ZNF600: variants seen among roughly 807,000 people sequenced by gnomAD.
ZNF600 encodes zinc finger protein 600, also known as zinc finger protein KR-ZNF1.
ZNF600 carries 4 observed loss-of-function variants against 7.3 expected under a neutral mutation model. That is an observed-to-expected ratio of 0.55 (90% CI 0.27 to 1.25). The LOEUF (loss-of-function observed/expected upper bound fraction) is 1.25, where lower values mean the gene tolerates loss of function less well. Ranked by LOEUF, ZNF600 falls within the 50% of genes most tolerant of loss-of-function variation. The pLI, the probability that ZNF600 is intolerant of heterozygous loss-of-function variation, is 0.12. For synonymous variants in ZNF600, 290 were observed against 308.9 expected, an observed-to-expected ratio of 0.94 and a Z score of 0.64; for missense variants, 911 against 922.1, an observed-to-expected ratio of 0.99 and a Z score of 0.16.
At chr19:52,806,713 C>G in the ZNF600 span, among the ~76,000 whole-genome samples, 587 of 151,950 alleles carry the variant, frequency 3.9e-3, 7 homozygotes, top group African/African-American at 0.014. Flanking sequence ...ACCAGCCTGG[C>G]CAACATGGTG....
intron 3 of ZNF600, among the ~76,000 whole-genome samples, chr19:52,771,650 G>A (rs750823723): frequency 6.6e-6 from 1 of 152,090 alleles, no homozygotes; most frequent in Non-Finnish European, 1.5e-5. Flanking sequence ...GCTAATTTTT[G>A]TATTTTTACC....
chr19:52,779,130 T>G (rs866664357), intron 1 of ZNF600, among the ~76,000 whole-genome samples: 1 of 152,108 alleles, frequency 6.6e-6, no homozygotes, highest in Non-Finnish European at 1.5e-5. Flanking sequence ...CCCCACACAC[T>G]AGGCAGCAGT....
chr19:52,777,463 GC>G (rs2062685335), intron 2 of ZNF600, among the ~76,000 whole-genome samples: 1 of 151,918 alleles, frequency 6.6e-6, no homozygotes, highest in South Asian at 2.1e-4. Context: ...ATCACTGGAG[GC>G]CAGGATATCA....
chr19:52,810,612 T>C, the ZNF600 span: 3 of 1,480,978 alleles, frequency 2.0e-6, no homozygotes, highest in African/African-American at 1.4e-5. Context: ...ACTACAGCAG[T>C]TCCTGCTCTC....
chr19:52,801,030 TTG>T, the ZNF600 span: 1 of 1,614,178 alleles, frequency 6.2e-7, no homozygotes, highest in Admixed American at 1.7e-5. Context: ...CTCATTACAC[TTG>T]TAAGGTTTCT....
intron 3 of ZNF600, among the ~76,000 whole-genome samples, chr19:52,771,995 C>T (rs1277232449): frequency 3.3e-5 from 5 of 152,192 alleles, no homozygotes; most frequent in Non-Finnish European, 7.3e-5. Context: ...TGAAGGCTGA[C>T]AAATCTTATT....
chr19:52,764,281 C>T (rs1240300524), downstream of ZNF600: 1 of 150,348 alleles, frequency 6.7e-6, no homozygotes, highest in African/African-American at 2.5e-5. Flanking sequence ...CACGATTTTG[C>T]CTCACGGCAA....
chr19:52,816,273 C>A, the ZNF600 span, among the ~76,000 whole-genome samples: 2 of 146,896 alleles, frequency 1.4e-5, no homozygotes. Flanking sequence ...AATCCCAACA[C>A]TCTTGGGGGC....
chr19:52,784,819 C>A (rs1300389995), intron 1 of ZNF600, among the ~76,000 whole-genome samples: 1 of 152,162 alleles, frequency 6.6e-6, no homozygotes, highest in Non-Finnish European at 1.5e-5. Context: ...GCCTGGAGCT[C>A]CTGGGCTCAA....
chr19:52,779,343 A>G (rs75026598), intron 1 of ZNF600, among the ~76,000 whole-genome samples: 19,382 of 152,248 alleles, frequency 0.13, 1,626 homozygotes, highest in African/African-American at 0.22. Context: ...GTTCCATCCC[A>G]TCAGAATAAG....
In ZNF600 at chr19:52,766,934, G is replaced by T; in HGVS notation, c.1029C>A (p.Tyr343Ter). The T allele has an allele frequency of 6.2e-7, 1 of 1,614,138 alleles. No homozygotes were observed. Among genetic ancestry groups the T allele is most frequent in the Non-Finnish European group, 8.5e-7 (1 of 1,180,028 alleles). Reference sequence around the variant, plus strand: ...AAGCTTTGTCACATTCATTACACTTGTAAGGTTTTTCTCCAGTATGAATTG... The same window carrying T: ...AAGCTTTGTCACATTCATTACACTTTTAAGGTTTTTCTCCAGTATGAATTG... The change falls in exon 4 of 4, where the codon TAC becomes TAA. Residue 343 changes from tyrosine (Y) to a stop codon, truncating the protein, a stop_gained. Coordinates refer to ENST00000648973, the Ensembl canonical transcript of ZNF600. LOFTEE classifies it low-confidence loss of function (END_TRUNC).
At chr19:52,788,309 A>T (rs1324504279), upstream of ZNF600, among the ~76,000 whole-genome samples, 1 of 152,244 alleles carries the variant, frequency 6.6e-6, no homozygotes, top group African/African-American at 2.4e-5. Flanking sequence ...AAGAGACAGA[A>T]GAATCCACCG....
chr19:52,806,389 T>A, the ZNF600 span, among the ~76,000 whole-genome samples: 1 of 152,034 alleles, frequency 6.6e-6, no homozygotes, highest in East Asian at 1.9e-4. Context: ...AGACGAAGTT[T>A]CAACATGTTA....
At chr19:52,807,619 T>C in the ZNF600 span, among the ~76,000 whole-genome samples, 1 of 152,172 alleles carries the variant, frequency 6.6e-6, no homozygotes, top group African/African-American at 2.4e-5. Context: ...GGATTACACA[T>C]ATGCATCACC....
chr19:52,774,570 C>T lies in ZNF600; in HGVS notation c.190+5G>A. 1.0e-6 allele frequency: 1 copy of T among 985,088 alleles called. No homozygotes were observed. The highest frequency in any genetic ancestry group is 1.2e-6 in the Non-Finnish European group (1 of 829,902). 61.0% of individuals were successfully genotyped at this position (985,088 alleles called of 1,614,324 possible). A position where few individuals can be genotyped will look rare whatever the true frequency, so the allele number is the denominator to read the frequency against. On this transcript the variant is annotated splice_donor_5th_base_variant and intron_variant, in intron 3 of 3. Transcript: ENST00000648973. ...CTCATGTCTGGGGGACATCATTTTCCTCACCCACAGCTTCCAGGTTCCTGT... is the reference window on the plus strand; with the variant it reads ...CTCATGTCTGGGGGACATCATTTTCTTCACCCACAGCTTCCAGGTTCCTGT...
upstream of ZNF600, among the ~76,000 whole-genome samples, chr19:52,790,253 CT>C (rs1208306108): frequency 1.3e-5 from 2 of 152,146 alleles, no homozygotes; most frequent in African/African-American, 4.8e-5. Context: ...AATTCCAGCA[CT>C]TTAGGAGGCC....
At chr19:52,776,586 A>G (rs1300521379) in intron 2 of ZNF600, among the ~76,000 whole-genome samples, 1 of 152,048 alleles carries the variant, frequency 6.6e-6, no homozygotes, top group Non-Finnish European at 1.5e-5. Flanking sequence ...TAATTTTTGT[A>G]TATTTAGCAG....
At chr19:52,786,680 C>T (rs2062766331) in exon 1 of ZNF600, 1 of 233,670 alleles carries the variant, frequency 4.3e-6, no homozygotes, top group South Asian at 4.0e-5. Flanking sequence ...GGGGCAGAAG[C>T]GCCGGGGACC....
intron 1 of ZNF600, among the ~76,000 whole-genome samples, chr19:52,782,294 C>T (rs13313715): frequency 0.23 from 34,428 of 151,704 alleles, 5,008 homozygotes; most frequent in African/African-American, 0.41. Context: ...GAAGCTGAGG[C>T]GGGAGGATCA....
Sources: allele counts gnomAD v4.1 joint callset (sites outside exome capture counted in the v4.1 genomes callset), GRCh38; gene constraint gnomAD v4.1.1; transcripts MANE v1.5; gene names NCBI Gene and HGNC (gene_info 2026-07-23, HGNC 2026-07-21).